CD40: variants seen among roughly 807,000 people sequenced by gnomAD.
CD40 encodes the protein CD40 molecule.
CD40 carries 19 observed loss-of-function variants against 38.5 expected under a neutral mutation model. That is an observed-to-expected ratio of 0.49 (90% CI 0.34 to 0.72). The LOEUF (loss-of-function observed/expected upper bound fraction) is 0.72. CD40 is among the 30% of genes least tolerant of loss of function. CD40 has a pLI of 0.01. For synonymous variants in CD40, 130 were observed against 128.7 expected (o/e 1.01, Z -0.07); for missense variants, 256 against 344.1 (o/e 0.74, Z 2.03).
In CD40 at chr20:46,128,304, CTTTTTTTT is replaced by C. The variant is rs749590513; in HGVS notation, c.647-10_647-3del. 4 of 1,439,748 alleles carry C rather than the reference CTTTTTTTT, an allele frequency of 2.8e-6. No homozygotes were observed. The South Asian group carries it at 3.8e-5, about 14-fold the overall frequency. 89.2% of individuals were successfully genotyped at this position (1,439,748 alleles called of 1,614,324 possible). A position where few individuals can be genotyped will look rare whatever the true frequency, so the allele number is the denominator to read the frequency against. ...TATCTGGCCTCTCCAACTCCCCATC[CTTTTTTTT>C]TTTTTTTTTTTTTTTAGAAAAGGTG... On this transcript the variant is annotated intron_variant, in intron 7 of 8. Transcript: ENST00000372285.
chr20:46,123,272 C>T, intron 5 of CD40, 53 bp downstream of exon 5: 1 of 1,270,084 alleles, frequency 7.9e-7, no homozygotes, highest in Middle Eastern at 1.8e-4. Flanking sequence ...ATGGAGCTGC[C>T]TCCATTCTCT....
intron 5 of CD40, among the ~76,000 whole-genome samples, chr20:46,126,160 G>C (rs2085431368): frequency 6.6e-6 from 1 of 152,196 alleles, no homozygotes; most frequent in African/African-American, 2.4e-5. Flanking sequence ...CTGGCGGATA[G>C]AGGCCAGGGA....
chr20:46,122,406 C>G lies in CD40; in HGVS notation c.256+48C>G. On this transcript the variant is annotated intron_variant, in intron 3 of 8. Transcript: ENST00000372285. The surrounding 1 kb of genome is among the most constrained non-coding windows in gnomAD (Gnocchi z 5.0). ...GACGCTTGGGAACCGGGCTGATATT[C>G]CCGACAATGCAGCCATTCTAATTTT... 1 of 1,612,858 alleles carries G rather than the reference C, an allele frequency of 6.2e-7. No individual in the cohort carries two copies. Among genetic ancestry groups the G allele is most frequent in the Non-Finnish European group, 8.5e-7 (1 of 1,179,332 alleles).
chr20:46,118,553 G>T lies in CD40; in HGVS notation c.51+159G>T, dbSNP rs894108942. ...GTGCCCCCGCTCCTGGCTGAATGGG[G>T]TGGGCTGCCTCTCTCTTCTCCCGGG... On this transcript the variant is annotated intron_variant, in intron 1 of 8. Transcript: ENST00000372285. Among the ~76,000 whole-genome samples, 3 of 152,176 alleles carry T rather than the reference G, an allele frequency of 2.0e-5. No individual in the cohort carries two copies. The South Asian group carries it at 6.2e-4, about 31-fold the overall frequency.
In CD40 at chr20:46,118,375, G is replaced by C; in HGVS notation, c.32G>C (p.Trp11Ser). 6 of 1,614,012 alleles carry C rather than the reference G, an allele frequency of 3.7e-6. No homozygotes were observed. Among genetic ancestry groups the C allele is most frequent in the Non-Finnish European group, 5.1e-6 (6 of 1,179,902 alleles). ...CGTCTGCCTCTGCAGTGCGTCCTCT[G>C]GGGCTGCTTGCTGACCGCTGTGAGT... MVRLPLQCVLWGCLLTAVHPE... is the reference protein window; with the variant it reads MVRLPLQCVLSGCLLTAVHPE... Residue 11 changes from tryptophan (W) to serine (S), a missense_variant, in exon 1 of 9, where the codon TGG (tryptophan) becomes TCG (serine). Trp to Ser is a radical substitution (Grantham distance 177). Transcript: ENST00000372285.
At position 46,122,518 on chromosome 20, in the gene CD40, G is replaced by T. The variant is rs2085338658; in HGVS notation, c.257-92G>T. 5 of 1,590,496 alleles carry T rather than the reference G, an allele frequency of 3.1e-6. No homozygotes were observed. The highest frequency in any genetic ancestry group is 3.5e-6 in the Non-Finnish European group (4 of 1,159,302). On this transcript the variant is annotated intron_variant, in intron 3 of 8. Transcript: ENST00000372285. The surrounding 1 kb of genome is among the most constrained non-coding windows in gnomAD (Gnocchi z 5.0). ...GATTGCCATCTCTACTTGGAAGAGG[G>T]TCTGAGGAAGAAAGAGCAGGCAATG...
At chr20:46,127,935 C>A in intron 6 of CD40, 1 of 977,196 alleles carries the variant, frequency 1.0e-6, no homozygotes, top group Non-Finnish European at 1.5e-6. Flanking sequence ...AAAATGTCGG[C>A]AAATATTTCC....
intron 1 of CD40, 87 bp downstream of exon 1, chr20:46,118,481 C>G (rs2085254977): frequency 1.4e-6 from 1 of 710,578 alleles, no homozygotes; most frequent in South Asian, 1.4e-5. Context: ...AGAGGCCTTC[C>G]TGGCTGATTT....
chr20:46,128,839 C>G, intron 8 of CD40, 43 bp from the exon 9 acceptor site: 1 of 1,606,130 alleles, frequency 6.2e-7, no homozygotes, highest in Non-Finnish European at 8.5e-7. Context: ...AGAGGCACAG[C>G]TGCCCCTGCT....
chr20:46,128,529 C>A, intron 8 of CD40, 171 bp downstream of exon 8: 1 of 773,508 alleles, frequency 1.3e-6, no homozygotes, highest in Non-Finnish European at 2.2e-6. Flanking sequence ...ATCCAGAGCT[C>A]AATCCCCCAC....
chr20:46,123,105 C>G (rs750673913), intron 4 of CD40, 21 bp from the exon 5 acceptor site: 16 of 1,584,368 alleles, frequency 1.0e-5, no homozygotes, highest in Non-Finnish European at 1.3e-5. Flanking sequence ...GGTTAATGTC[C>G]CCCTCCCCAC....
chr20:46,124,750 A>ATTTTT (rs1568908672), intron 5 of CD40, among the ~76,000 whole-genome samples: 1 of 65,448 alleles, frequency 1.5e-5, no homozygotes, highest in Non-Finnish European at 3.4e-5. Context: ...CCACTGGTAT[A>ATTTTT]GTTTTTTTTT....
At chr20:46,124,776 T>G (rs921761380) in intron 5 of CD40, among the ~76,000 whole-genome samples, 5 of 126,526 alleles carry the variant, frequency 4.0e-5, no homozygotes, top group South Asian at 5.5e-4. Context: ...TTTTTTTTTT[T>G]TTTTTTTTGA....
rs1050296254 is a variant in CD40, at chr20:46,122,120, C to G, written c.131-113C>G. On this transcript the variant is annotated intron_variant, in intron 2 of 8. Coordinates refer to ENST00000372285, the MANE Select transcript of CD40 (RefSeq NM_001250.6). This position sits in a 1 kb window ranked among gnomAD's most constrained non-coding sequence, Gnocchi z 5.0. Reference sequence around the variant, plus strand: ...CTTCCTCGCCTGATTATGAAGGATCCAAGACTTTCATCTTTGAATCCCCTA... The same window carrying G: ...CTTCCTCGCCTGATTATGAAGGATCGAAGACTTTCATCTTTGAATCCCCTA... 12 of 1,385,642 alleles carry G rather than the reference C, an allele frequency of 8.7e-6. No individual in the cohort carries two copies. The East Asian group carries it at 2.5e-4, about 29-fold the overall frequency. The allele number at this position is 1,385,642 out of a possible 1,614,324, so 85.8% of individuals were successfully genotyped here.
intron 8 of CD40, 190 bp downstream of exon 8, chr20:46,128,548 C>T (rs2085485391): frequency 1.4e-6 from 1 of 736,164 alleles, no homozygotes; most frequent in Non-Finnish European, 2.4e-6. Context: ...ACAGAACTGC[C>T]CCTGGCACCA....
intron 7 of CD40, 48 bp downstream of exon 7, chr20:46,128,272 T>C (rs1371769931): frequency 6.2e-7 from 1 of 1,610,556 alleles, no homozygotes; most frequent in Non-Finnish European, 8.5e-7. Context: ...GGAGACCACC[T>C]GTTTCTTATC....
Position 46,128,137 on chromosome 20 carries a change from G to A in CD40, c.560-1G>A. On this transcript the variant is annotated splice_acceptor_variant, in intron 6 of 8. Transcript: ENST00000372285. LOFTEE classifies it high-confidence loss of function. Reference sequence around the variant, plus strand: ...GCATGCTGAAGTCCTGATTTCTCCAGGTCCCCAGGATCGGCTGAGAGCCCT... The same window carrying A: ...GCATGCTGAAGTCCTGATTTCTCCAAGTCCCCAGGATCGGCTGAGAGCCCT... The A allele has an allele frequency of 6.2e-7, 1 of 1,613,880 alleles. No individual in the cohort carries two copies. The highest frequency in any genetic ancestry group is 1.3e-5 in the African/African-American group (1 of 74,950).
At chr20:46,123,835 G>C (rs1243399133) in intron 5 of CD40, among the ~76,000 whole-genome samples, 2 of 152,118 alleles carry the variant, frequency 1.3e-5, no homozygotes, top group African/African-American at 4.8e-5. Flanking sequence ...TCTCCTATTT[G>C]AGATGCTTCC....
rs2085334202 is a variant in CD40, at chr20:46,122,307, G to T, written c.205G>T (p.Asp69Tyr). The T allele has an allele frequency of 6.2e-7, 1 of 1,614,030 alleles. No individual in the cohort carries two copies. Among genetic ancestry groups the T allele is most frequent in the African/African-American group, 1.3e-5 (1 of 74,914 alleles). ...CLPCGESEFL[D>Y]TWNRETHCHQ... Reference sequence around the variant, plus strand: ...TCCTTGCGGTGAAAGCGAATTCCTAGACACCTGGAACAGAGAGACACACTG... The same window carrying T: ...TCCTTGCGGTGAAAGCGAATTCCTATACACCTGGAACAGAGAGACACACTG... Residue 69 changes from aspartate to tyrosine, a missense_variant, in exon 3 of 9, where the codon GAC becomes TAC. By Grantham distance (160) the Asp-to-Tyr change is radical. Transcript: ENST00000372285. This position sits in a 1 kb window ranked among gnomAD's most constrained non-coding sequence, Gnocchi z 5.0.
Sources: gnomAD v4.1 joint callset for allele counts (sites outside exome capture counted in the v4.1 genomes callset) on GRCh38, gnomAD v4.1.1 for gene constraint, Gnocchi (gnomAD v3.1) non-coding constraint, MANE v1.5 for transcripts, NCBI Gene and HGNC (gene_info 2026-07-23, HGNC 2026-07-21) for gene names.